VAV2: variants seen among roughly 807,000 people sequenced by gnomAD.
VAV2 encodes the protein vav guanine nucleotide exchange factor 2.
Under a neutral mutation model 132.5 loss-of-function variants are expected in VAV2, and 67 were observed. The observed-to-expected ratio is 0.51, with a 90% CI of 0.42 to 0.62. VAV2 has a LOEUF of 0.62. Ranked by LOEUF, VAV2 falls within the 20% of genes least tolerant of loss-of-function variation. The pLI is 0.00. For missense variants in VAV2, 938 were observed against 1,153.6 expected (o/e 0.81, Z 2.71); for synonymous variants, 492 against 443.5 (o/e 1.11, Z -1.37).
At chr9:133,795,246 C>T (rs939124817) in intron 12 of VAV2, among the ~76,000 whole-genome samples, 3 of 152,104 alleles carry the variant, frequency 2.0e-5, no homozygotes, top group Non-Finnish European at 2.9e-5. Flanking sequence ...TGGGGGCCCT[C>T]GAAACAGCCA....
intron 19 of VAV2, 119 bp from the exon 20 acceptor site, chr9:133,780,829 C>T: frequency 1.8e-6 from 2 of 1,139,070 alleles, no homozygotes; most frequent in Non-Finnish European, 2.2e-6. Flanking sequence ...GTGAGCCAAG[C>T]TACAAAGTGG....
chr9:133,979,960 C>G (rs1392358435), intron 1 of VAV2, among the ~76,000 whole-genome samples: 1 of 152,238 alleles, frequency 6.6e-6, no homozygotes, highest in East Asian at 1.9e-4. Flanking sequence ...ATTCTGTGCC[C>G]CCTCCAGAAA....
At chr9:133,911,871 C>G (rs1227148273) in intron 2 of VAV2, among the ~76,000 whole-genome samples, 3 of 152,248 alleles carry the variant, frequency 2.0e-5, no homozygotes, top group Admixed American at 6.5e-5. Context: ...TCTCACGTGG[C>G]CCAGAGCCCC....
intron 2 of VAV2, among the ~76,000 whole-genome samples, chr9:133,901,711 C>G (rs1170053918): frequency 6.6e-6 from 1 of 152,230 alleles, no homozygotes; most frequent in African/African-American, 2.4e-5. Context: ...CTGGGCCCAT[C>G]CCTCCTGGGG....
At chr9:133,943,599 T>C (rs1841251155) in intron 1 of VAV2, among the ~76,000 whole-genome samples, 1 of 152,160 alleles carries the variant, frequency 6.6e-6, no homozygotes, top group African/African-American at 2.4e-5. Flanking sequence ...AAACAAGCCC[T>C]GTGACAAGGG....
rs138753594 is a variant in VAV2, at chr9:133,768,518, C to T, written c.2513G>A (p.Arg838Gln). The T allele has an allele frequency of 6.1e-4, 992 of 1,613,926 alleles. No homozygotes were observed. The highest frequency in any genetic ancestry group is 8.1e-4 in the Non-Finnish European group (953 of 1,180,022). ...AARDMRELSL[R>Q]EGDVVRIYSR... ...GTAGATCCTCACCACGTCACCCTCCCGCAGCGAAAGCTCCCTCATATCTCG... is the reference window on the plus strand; with the variant it reads ...GTAGATCCTCACCACGTCACCCTCCTGCAGCGAAAGCTCCCTCATATCTCG... The change falls in exon 29 of 30, where the codon CGG becomes CAG. Residue 838 changes from arginine (R) to glutamine (Q), a missense_variant. Arg to Gln is a conservative substitution (Grantham distance 43). Coordinates refer to ENST00000371850, the MANE Select transcript of VAV2 (RefSeq NM_001134398.2). This position sits in a 1 kb window ranked among gnomAD's most constrained non-coding sequence, Gnocchi z 5.3.
chr9:133,990,941 C>T (rs1366631081), intron 1 of VAV2, among the ~76,000 whole-genome samples: 1 of 152,158 alleles, frequency 6.6e-6, no homozygotes, highest in Non-Finnish European at 1.5e-5. Flanking sequence ...CAGCGCCCCC[C>T]AACCCGGCAG....
At chr9:133,916,822 G>A (rs12337004) in intron 2 of VAV2, among the ~76,000 whole-genome samples, 61 of 152,252 alleles carry the variant, frequency 4.0e-4, no homozygotes, top group African/African-American at 1.4e-3. Flanking sequence ...GTCAAGGGGT[G>A]TGAAGGAAGA....
intron 2 of VAV2, among the ~76,000 whole-genome samples, chr9:133,878,244 G>T (rs1037962656): frequency 1.3e-5 from 2 of 152,124 alleles, no homozygotes; most frequent in Non-Finnish European, 2.9e-5. Context: ...CCAGGGACAG[G>T]TTGCTGGCAC....
chr9:133,922,759 AAC>A (rs1840340906), intron 2 of VAV2, among the ~76,000 whole-genome samples: 1 of 152,190 alleles, frequency 6.6e-6, no homozygotes, highest in African/African-American at 2.4e-5. Context: ...CTTAGACAAA[AAC>A]ATAGGGGAAA....
intron 1 of VAV2, among the ~76,000 whole-genome samples, chr9:133,964,032 T>C (rs963959214): frequency 1.1e-5 from 1 of 94,778 alleles, no homozygotes; most frequent in Non-Finnish European, 2.4e-5. Context: ...CATATATATA[T>C]ATATATATAT....
At chr9:133,893,353 C>T (rs1839057258) in intron 2 of VAV2, among the ~76,000 whole-genome samples, 1 of 152,110 alleles carries the variant, frequency 6.6e-6, no homozygotes, top group Non-Finnish European at 1.5e-5. Context: ...GTGGCGAAGG[C>T]GGCGGCAACA....
At chr9:133,778,935 G>A (rs372697222) in intron 21 of VAV2, 46 bp from the exon 22 acceptor site, 7 of 1,598,796 alleles carry the variant, frequency 4.4e-6, no homozygotes, top group South Asian at 3.3e-5. Context: ...CAGCTCACTC[G>A]GTGACTGACT....
chr9:133,927,182 C>A (rs548498148), intron 2 of VAV2, among the ~76,000 whole-genome samples: 1 of 152,124 alleles, frequency 6.6e-6, no homozygotes, highest in Non-Finnish European at 1.5e-5. Flanking sequence ...TCTGGGGACA[C>A]GAAACCTGAG....
At chr9:133,897,332 C>T (rs1455469199) in intron 2 of VAV2, among the ~76,000 whole-genome samples, 1 of 152,138 alleles carries the variant, frequency 6.6e-6, no homozygotes, top group Non-Finnish European at 1.5e-5. Context: ...GTCAGGAGCC[C>T]AGCACAGGGC....
chr9:133,784,566 A>G, intron 17 of VAV2, 148 bp from the exon 18 acceptor site: 2 of 814,690 alleles, frequency 2.5e-6, no homozygotes, highest in South Asian at 3.1e-5. Context: ...TGCCCGCAAC[A>G]TGGGGCAGAC....
chr9:133,942,343 C>T (rs1196958867), intron 1 of VAV2, among the ~76,000 whole-genome samples: 7 of 152,186 alleles, frequency 4.6e-5, no homozygotes, highest in African/African-American at 1.4e-4. Flanking sequence ...CGTGGCCCCA[C>T]GAAGGAGCTG....
At chr9:133,990,696 T>C (rs1842987433) in intron 1 of VAV2, among the ~76,000 whole-genome samples, 1 of 152,072 alleles carries the variant, frequency 6.6e-6, no homozygotes, top group Non-Finnish European at 1.5e-5. Flanking sequence ...TCTCCAGCCA[T>C]AAAATGGAGT....
At position 133,826,163 on chromosome 9, in the gene VAV2, A is replaced by G. The variant is rs1835979846; in HGVS notation, c.449+8109T>C. 6.6e-6 allele frequency among the ~76,000 whole-genome samples: 1 copy of G among 152,236 alleles called. No individual in the cohort carries two copies. Among genetic ancestry groups the G allele is most frequent in the South Asian group, 2.1e-4 (1 of 4,836 alleles). On this transcript the variant is annotated intron_variant, in intron 4 of 29. Transcript: ENST00000371850. This position sits in a 1 kb window ranked among gnomAD's most constrained non-coding sequence, Gnocchi z 4.2. ...AGTGGGATTCACAGACCATCTGGGC[A>G]GATGCTTTCGTTTCAGAGACTGGGA...
Sources: gnomAD v4.1 joint callset for allele counts (sites outside exome capture counted in the v4.1 genomes callset) on GRCh38, gnomAD v4.1.1 for gene constraint, Gnocchi (gnomAD v3.1) non-coding constraint, MANE v1.5 for transcripts, NCBI Gene and HGNC (gene_info 2026-07-23, HGNC 2026-07-21) for gene names.